CTDP1: variants seen among roughly 807,000 people sequenced by gnomAD.
CTDP1 encodes the protein CTD phosphatase 1, also known as RNA polymerase II subunit A C-terminal domain phosphatase.
Under a neutral mutation model 91.8 loss-of-function variants are expected in CTDP1, and 47 were observed. The observed-to-expected ratio is 0.51, with a 90% confidence interval of 0.41 to 0.65. The LOEUF is 0.65. Ranked by LOEUF, CTDP1 falls within the 30% of genes least tolerant of loss-of-function variation. The pLI, the probability that CTDP1 is intolerant of heterozygous loss-of-function variation, is 0.00. For missense variants in CTDP1, 1,272 were observed against 1,373.7 expected (o/e 0.93, Z 1.17); for synonymous variants, 656 against 598.5 (o/e 1.10, Z -1.40).
chr18:79,741,585 A>T (rs749928436), intron 12 of CTDP1, among the ~76,000 whole-genome samples: 7 of 152,206 alleles, frequency 4.6e-5, no homozygotes, highest in Non-Finnish European at 1.0e-4. Context: ...CATCTGGTGC[A>T]GTGATAAACA....
At chr18:79,750,186 T>C (rs2086967995) in intron 12 of CTDP1, among the ~76,000 whole-genome samples, 3 of 146,252 alleles carry the variant, frequency 2.1e-5, no homozygotes, top group South Asian at 4.3e-4. Context: ...TGCGCGGAGA[T>C]TTTTTTTTTT....
At chr18:79,694,595 G>A (rs1192672552) in intron 1 of CTDP1, among the ~76,000 whole-genome samples, 1 of 150,794 alleles carries the variant, frequency 6.6e-6, no homozygotes, top group Non-Finnish European at 1.5e-5. Context: ...ATGTTCGCAG[G>A]GTGGGGCGGT....
chr18:79,736,509 G>T lies in CTDP1; in HGVS notation c.2735G>T (p.Gly912Val). Residue 912 changes from glycine (G) to valine (V), a missense_variant, in exon 12 of 13, where the codon GGC becomes GTC. Transcript: ENST00000613122. The stretch of plus-strand genomic sequence containing the variant: ...TCCAGCGAGAGGAGCGCGGCAGGGG[G>T]CCGGGGGCCCAGGTGAGTGCGGGGT... Reference protein sequence around the residue: ...PASSERSAAGGRGPRGHKRKL... With the variant: ...PASSERSAAGVRGPRGHKRKL... 1 of 1,544,914 alleles carries T rather than the reference G, an allele frequency of 6.5e-7. No homozygotes were observed. Among genetic ancestry groups the T allele is most frequent in the South Asian group, 1.2e-5 (1 of 83,840 alleles).
chr18:79,746,398 G>A (rs1475746704), intron 12 of CTDP1, among the ~76,000 whole-genome samples: 1 of 152,228 alleles, frequency 6.6e-6, no homozygotes. Context: ...CCTCCCATGC[G>A]TGTTCTGACT....
chr18:79,726,852 C>T (rs1421799510), intron 10 of CTDP1, among the ~76,000 whole-genome samples: 19 of 59,266 alleles, frequency 3.2e-4, no homozygotes, highest in African/African-American at 1.0e-3. Flanking sequence ...GACGCCATTG[C>T]TGGTGGACTG....
chr18:79,696,677 G>A (rs569214141), intron 3 of CTDP1, among the ~76,000 whole-genome samples: 1 of 152,170 alleles, frequency 6.6e-6, no homozygotes, highest in Non-Finnish European at 1.5e-5. Flanking sequence ...GAGCCCATGG[G>A]GGGTACGCAG....
intron 11 of CTDP1, among the ~76,000 whole-genome samples, chr18:79,733,531 C>T (rs575267808): frequency 1.1e-4 from 16 of 152,090 alleles, no homozygotes; most frequent in African/African-American, 2.6e-4. Flanking sequence ...TGCGTTACCT[C>T]GTTCCTGCCT....
chr18:79,740,660 T>G (rs374895878), intron 12 of CTDP1, among the ~76,000 whole-genome samples: 3 of 152,340 alleles, frequency 2.0e-5, no homozygotes, highest in African/African-American at 7.2e-5. Flanking sequence ...TAATTTCGCA[T>G]GGCCAAGCTG....
intron 12 of CTDP1, among the ~76,000 whole-genome samples, chr18:79,741,168 G>A (rs542822063): frequency 3.8e-5 from 5 of 133,216 alleles, no homozygotes; most frequent in East Asian, 2.2e-4. Context: ...CCCTGAGCCC[G>A]TGGTTGGGTG....
intron 11 of CTDP1, among the ~76,000 whole-genome samples, chr18:79,733,364 C>T (rs747354178): frequency 6.6e-6 from 1 of 152,234 alleles, no homozygotes; most frequent in South Asian, 2.1e-4. Context: ...GTGTCGGTCC[C>T]CCTGCAGGTT....
At chr18:79,727,014 G>A (rs1255508888) in intron 10 of CTDP1, among the ~76,000 whole-genome samples, 3 of 151,344 alleles carry the variant, frequency 2.0e-5, no homozygotes, top group African/African-American at 7.3e-5. Flanking sequence ...GACAGCTGTG[G>A]GGTATGGGGG....
chr18:79,703,330 T>G lies in CTDP1; in HGVS notation c.622-1437T>G, dbSNP rs563984820. On this transcript the variant is annotated intron_variant, in intron 4 of 12. Transcript: ENST00000613122. Reference sequence around the variant, plus strand: ...TGTAACTGAGCTTAAGTCATCTACCTTTTTTTAAAGCCATTAAGAGTAAAT... The same window carrying G: ...TGTAACTGAGCTTAAGTCATCTACCGTTTTTTAAAGCCATTAAGAGTAAAT... Among the ~76,000 whole-genome samples, 6 of 152,286 alleles carry G rather than the reference T, an allele frequency of 3.9e-5. No individual in the cohort carries two copies. The South Asian group carries it at 1.2e-3, about 32-fold the overall frequency.
chr18:79,754,482 T>G lies in CTDP1; in HGVS notation c.*692T>G, dbSNP rs2087065846. On this transcript the variant is annotated 3_prime_UTR_variant, in exon 13 of 13. Coordinates refer to ENST00000613122, the MANE Select transcript of CTDP1 (RefSeq NM_004715.5). Reference sequence around the variant, plus strand: ...TCTGACCCACCAAACAGATTTCTCTTTAATAAAAATCCTTTTTGTAAGTTC... The same window carrying G: ...TCTGACCCACCAAACAGATTTCTCTGTAATAAAAATCCTTTTTGTAAGTTC... 1.3e-5 allele frequency: 2 copies of G among 152,750 alleles called. No homozygotes were observed. Among genetic ancestry groups the G allele is most frequent in the South Asian group, 4.1e-4 (2 of 4,838 alleles). The allele number at this position is 152,750 out of a possible 1,614,324, so 9.5% of individuals were successfully genotyped here.
At chr18:79,695,618 C>T (rs547163739) in intron 2 of CTDP1, among the ~76,000 whole-genome samples, 1 of 152,294 alleles carries the variant, frequency 6.6e-6, no homozygotes, top group South Asian at 2.1e-4. Flanking sequence ...CCCTCTGGGC[C>T]GCTGAGCGCC....
At chr18:79,742,872 C>T (rs2086806987) in intron 12 of CTDP1, among the ~76,000 whole-genome samples, 1 of 152,108 alleles carries the variant, frequency 6.6e-6, no homozygotes, top group Non-Finnish European at 1.5e-5. Flanking sequence ...GCACAAGAAT[C>T]ACTAGAACCC....
chr18:79,734,285 T>G (rs1300051230), intron 11 of CTDP1, among the ~76,000 whole-genome samples: 3 of 152,226 alleles, frequency 2.0e-5, no homozygotes, highest in Non-Finnish European at 4.4e-5. Context: ...GCCTCTGTAA[T>G]GAAGAAAACT....
intron 12 of CTDP1, among the ~76,000 whole-genome samples, chr18:79,744,724 C>A (rs2086844625): frequency 6.6e-6 from 1 of 152,198 alleles, no homozygotes; most frequent in South Asian, 2.1e-4. Context: ...AACCAACTCA[C>A]CAGTGGCAGA....
chr18:79,697,791 A>T, intron 3 of CTDP1, 69 bp from the exon 4 acceptor site: 1 of 1,604,348 alleles, frequency 6.2e-7, no homozygotes, highest in Admixed American at 1.7e-5. Flanking sequence ...GTGTTTCTCG[A>T]TGAAATGGAG....
chr18:79,688,895 A>C (rs1033387164), intron 1 of CTDP1, among the ~76,000 whole-genome samples: 2 of 152,272 alleles, frequency 1.3e-5, no homozygotes, highest in African/African-American at 2.4e-5. Flanking sequence ...AACAGTGCAC[A>C]GAATTCTCAC....
Sources: gnomAD v4.1 joint callset for allele counts (sites outside exome capture counted in the v4.1 genomes callset) on GRCh38, gnomAD v4.1.1 for gene constraint, MANE v1.5 for transcripts, NCBI Gene and HGNC (gene_info 2026-07-23, HGNC 2026-07-21) for gene names.